Variants in CHCHD3 observed in about 807,000 individuals in gnomAD.
The protein encoded by CHCHD3 is MICOS complex subunit MIC19.
A neutral mutation model predicts 38.2 loss-of-function variants in CHCHD3; 20 were observed. That is an observed-to-expected ratio of 0.52 (90% confidence interval 0.37 to 0.76). The LOEUF is 0.76. CHCHD3 is among the 30% of genes least tolerant of loss of function. The pLI, the probability that CHCHD3 is intolerant of heterozygous loss-of-function variation, is 0.00. For synonymous variants in CHCHD3, 82 were observed against 100.0 expected (o/e 0.82, Z 1.07); for missense variants, 245 against 279.2 (o/e 0.88, Z 0.87).
intron 5 of CHCHD3, among the ~76,000 whole-genome samples, chr7:132,843,817 C>T (rs56720648): frequency 0.24 from 36,196 of 152,040 alleles, 4,426 homozygotes; most frequent in South Asian, 0.26. Context: ...GGATATATAT[C>T]AATTTGTCTG....
intron 4 of CHCHD3, among the ~76,000 whole-genome samples, chr7:132,949,464 C>T (rs1338367251): frequency 6.6e-6 from 1 of 152,120 alleles, no homozygotes; most frequent in Non-Finnish European, 1.5e-5. Flanking sequence ...TCACAAGTTC[C>T]ATCTTCTAAT....
At chr7:133,044,002 T>C (rs1813907125) in intron 2 of CHCHD3, among the ~76,000 whole-genome samples, 1 of 152,232 alleles carries the variant, frequency 6.6e-6, no homozygotes, top group African/African-American at 2.4e-5. Context: ...TAACCTGCTT[T>C]TCAGCATCAG....
chr7:133,044,351 G>A (rs1022845008), intron 2 of CHCHD3, among the ~76,000 whole-genome samples: 3 of 152,182 alleles, frequency 2.0e-5, no homozygotes, highest in Non-Finnish European at 4.4e-5. Context: ...AGTTGGGAAT[G>A]GTACAAAATA....
chr7:132,895,319 T>C (rs565189267), intron 4 of CHCHD3, among the ~76,000 whole-genome samples: 1 of 152,380 alleles, frequency 6.6e-6, no homozygotes, highest in South Asian at 2.1e-4. Flanking sequence ...TTCTTTGTTA[T>C]GGAGACAGAT....
rs1312089608 is a variant in CHCHD3 at position 132,788,402 on chromosome 7, T to A, written c.661-2742A>T. 6.6e-6 allele frequency among the ~76,000 whole-genome samples: 1 copy of A among 152,218 alleles called. No homozygotes were observed. Among genetic ancestry groups the A allele is most frequent in the Non-Finnish European group, 1.5e-5 (1 of 68,034 alleles). On this transcript the variant is annotated intron_variant, in intron 7 of 7. Transcript: ENST00000262570. The surrounding 1 kb of genome is among the most constrained non-coding windows in gnomAD (Gnocchi z 4.0). ...TACATAGCTGTACCCCTCTCTACAA[T>A]TTTGGGCTTAGGGTTACAAGGATAA...
At chr7:133,040,140 A>C (rs1226173141) in intron 2 of CHCHD3, among the ~76,000 whole-genome samples, 1 of 152,118 alleles carries the variant, frequency 6.6e-6, no homozygotes, top group East Asian at 1.9e-4. Context: ...AGCCTCAAAA[A>C]CATGCAGACT....
At chr7:133,072,436 A>G (rs937626747) in intron 1 of CHCHD3, among the ~76,000 whole-genome samples, 1 of 152,104 alleles carries the variant, frequency 6.6e-6, no homozygotes, top group African/African-American at 2.4e-5. Flanking sequence ...TTGTATCTCT[A>G]TTTTATAGGT....
chr7:132,807,382 A>G (rs974651932), intron 6 of CHCHD3, among the ~76,000 whole-genome samples: 1 of 152,016 alleles, frequency 6.6e-6, no homozygotes, highest in Non-Finnish European at 1.5e-5. Flanking sequence ...TCATTTACTG[A>G]TGGGCTTCAC....
intron 4 of CHCHD3, among the ~76,000 whole-genome samples, chr7:132,955,215 T>TGTGTGTGTGTGTGTGTGTGTGTGTGTGTG (rs1554393837): frequency 2.4e-4 from 35 of 148,056 alleles, no homozygotes; most frequent in East Asian, 8.0e-4. Context: ...TGTGTGTGTG[T>TGTGTGTGTGTGTGTGTGTGTGTGTGTGTG]TGCGGGGTGG....
At chr7:132,889,671 A>T (rs1809312165) in intron 4 of CHCHD3, among the ~76,000 whole-genome samples, 2 of 152,206 alleles carry the variant, frequency 1.3e-5, no homozygotes, top group Admixed American at 1.3e-4. Context: ...TCCACTGGGA[A>T]GAATAACAAA....
At chr7:132,902,008 A>C (rs1809682252) in intron 4 of CHCHD3, among the ~76,000 whole-genome samples, 1 of 152,118 alleles carries the variant, frequency 6.6e-6, no homozygotes, top group South Asian at 2.1e-4. Context: ...ATTTTTGTAT[A>C]AGGTGTAAGG....
At chr7:132,868,532 G>C (rs1808688167) in intron 5 of CHCHD3, among the ~76,000 whole-genome samples, 1 of 152,084 alleles carries the variant, frequency 6.6e-6, no homozygotes, top group Admixed American at 6.6e-5. Context: ...ATAACGAAAA[G>C]GGCTTTGGTG....
At chr7:132,833,623 C>T (rs1033288349) in intron 6 of CHCHD3, among the ~76,000 whole-genome samples, 3 of 152,148 alleles carry the variant, frequency 2.0e-5, no homozygotes, top group African/African-American at 7.2e-5. Context: ...TCAGGCTTGG[C>T]TTGTCACACA....
intron 4 of CHCHD3, among the ~76,000 whole-genome samples, chr7:132,898,271 T>C (rs1241135181): frequency 6.6e-6 from 1 of 152,140 alleles, no homozygotes; most frequent in African/African-American, 2.4e-5. Flanking sequence ...TTATATTCTC[T>C]TTTCTGGCCC....
intron 6 of CHCHD3, among the ~76,000 whole-genome samples, chr7:132,797,548 T>C (rs953768828): frequency 1.3e-5 from 2 of 152,218 alleles, no homozygotes; most frequent in African/African-American, 2.4e-5. Flanking sequence ...CTGTGACTTA[T>C]TTTCTTTGTT....
intron 3 of CHCHD3, among the ~76,000 whole-genome samples, chr7:133,019,499 A>C (rs10247898): frequency 0.75 from 113,867 of 152,044 alleles, 42,715 homozygotes; most frequent in Middle Eastern, 0.78. Context: ...ATACTCTAAC[A>C]CAGATGGCTG....
chr7:132,986,005 A>G (rs1456880531), intron 3 of CHCHD3, among the ~76,000 whole-genome samples: 1 of 151,704 alleles, frequency 6.6e-6, no homozygotes, highest in Admixed American at 6.6e-5. Flanking sequence ...GATGGTTGCC[A>G]TGTCTGTGTA....
At chr7:132,811,019 G>A (rs1464736943) in intron 6 of CHCHD3, among the ~76,000 whole-genome samples, 1 of 152,080 alleles carries the variant, frequency 6.6e-6, no homozygotes, top group Non-Finnish European at 1.5e-5. Context: ...AATCTCGCCT[G>A]GTTCTTTTCC....
intron 2 of CHCHD3, among the ~76,000 whole-genome samples, chr7:133,027,210 A>G (rs1287308248): frequency 6.6e-6 from 1 of 152,070 alleles, no homozygotes; most frequent in African/African-American, 2.4e-5. Flanking sequence ...AAGTGCTGGG[A>G]TTACAGGCAT....
Sources: allele counts gnomAD v4.1 joint callset (sites outside exome capture counted in the v4.1 genomes callset), GRCh38; gene constraint gnomAD v4.1.1; non-coding constraint Gnocchi (gnomAD v3.1); transcripts MANE v1.5; gene names NCBI Gene and HGNC (gene_info 2026-07-23, HGNC 2026-07-21).